Variants in PCNX1 observed in about 807,000 individuals in gnomAD.
PCNX1 encodes the protein pecanex 1, also known as pecanex-like protein 1.
In PCNX1, 78 loss-of-function variants were observed where a neutral mutation model predicts 242.2. The ratio of observed to expected loss-of-function variants is 0.32; its 90% confidence interval spans 0.27 to 0.39. The LOEUF (loss-of-function observed/expected upper bound fraction) is 0.39. Among genes scored for constraint, PCNX1 ranks in the 10% least tolerant of loss-of-function variants. The pLI, the probability that PCNX1 is intolerant of heterozygous loss-of-function variation, is 1.00. For missense variants in PCNX1, 2,581 were observed against 2,856.5 expected (o/e 0.90, Z 2.20); for synonymous variants, 1,024 against 1,032.9 (o/e 0.99, Z 0.17).
intron 1 of PCNX1, among the ~76,000 whole-genome samples, chr14:70,924,311 G>C: frequency 6.6e-6 from 1 of 151,538 alleles, no homozygotes; most frequent in East Asian, 1.9e-4. Flanking sequence ...AAAGAAATCT[G>C]GTTTTAGAAT....
intron 11 of PCNX1, 102 bp from the exon 12 acceptor site, chr14:71,018,907 G>A: frequency 1.1e-6 from 1 of 946,034 alleles, no homozygotes; most frequent in Non-Finnish European, 1.6e-6. Context: ...AGACATCTTG[G>A]CATACCATGA....
chr14:71,056,080 AT>A (rs1013391687), intron 25 of PCNX1, among the ~76,000 whole-genome samples: 2 of 152,178 alleles, frequency 1.3e-5, no homozygotes, highest in African/African-American at 4.8e-5. Flanking sequence ...TAGTTTTGTC[AT>A]TTGGGAAACA....
At chr14:70,942,291 A>G (rs571249627) in intron 1 of PCNX1, among the ~76,000 whole-genome samples, 4 of 152,242 alleles carry the variant, frequency 2.6e-5, no homozygotes, top group African/African-American at 7.2e-5. Flanking sequence ...TTACAGGTCT[A>G]ACATATTTTA....
intron 13 of PCNX1, among the ~76,000 whole-genome samples, chr14:71,025,550 T>G (rs889916342): frequency 2.0e-5 from 3 of 152,150 alleles, no homozygotes; most frequent in African/African-American, 7.2e-5. Flanking sequence ...AGTGTATGTA[T>G]GTATGTACAT....
At chr14:70,915,084 GTGT>G (rs1397071767) in intron 1 of PCNX1, among the ~76,000 whole-genome samples, 4 of 152,152 alleles carry the variant, frequency 2.6e-5, no homozygotes, top group Non-Finnish European at 4.4e-5. Flanking sequence ...TTAATCCATG[GTGT>G]TGTATCAGTA....
intron 26 of PCNX1, among the ~76,000 whole-genome samples, chr14:71,069,515 C>T (rs2061538423): frequency 6.6e-6 from 1 of 152,092 alleles, no homozygotes; most frequent in Non-Finnish European, 1.5e-5. Flanking sequence ...GTATTACTGG[C>T]ATACCTTGGA....
At chr14:70,923,849 A>T (rs1265772447) in intron 1 of PCNX1, among the ~76,000 whole-genome samples, 2 of 152,168 alleles carry the variant, frequency 1.3e-5, no homozygotes, top group Non-Finnish European at 2.9e-5. Context: ...TTGCACAGTC[A>T]TTTCACATGT....
chr14:71,105,537 G>T, intron 33 of PCNX1, 97 bp downstream of exon 33: 2 of 894,358 alleles, frequency 2.2e-6, no homozygotes, highest in Non-Finnish European at 3.4e-6. Flanking sequence ...GGTCCACTTG[G>T]AAATTCAGAA....
chr14:71,050,708 G>A lies in PCNX1; in HGVS notation c.4395G>A (p.Gln1465=). 6.2e-7 allele frequency: 1 copy of A among 1,612,510 alleles called. No homozygotes were observed. The highest frequency in any genetic ancestry group is 8.5e-7 in the Non-Finnish European group (1 of 1,178,906). Residue 1465 remains glutamine (Q), a synonymous_variant, in exon 23 of 36, where the codon CAG becomes CAA. Transcript: ENST00000304743. ...TGTATACCTATATTGCCCCATGGCA[G>A]ATCACATGGGGTTCTGCTTTCCATG... ...QFVYTYIAPW[Q]ITWGSAFHAF...
chr14:70,929,630 A>G (rs1310267454), intron 1 of PCNX1, among the ~76,000 whole-genome samples: 2 of 152,194 alleles, frequency 1.3e-5, no homozygotes, highest in Non-Finnish European at 2.9e-5. Flanking sequence ...TACTTATGTG[A>G]TGAGTGAAAA....
rs569933166 is a variant in PCNX1, at chr14:71,113,482, C to T, written c.*3547C>T. The T allele has an allele frequency of 2.6e-5, 4 of 152,540 alleles. No individual in the cohort carries two copies. Among genetic ancestry groups the T allele is most frequent in the Non-Finnish European group, 5.9e-5 (4 of 68,016 alleles). 9.4% of individuals were successfully genotyped at this position (152,540 alleles called of 1,614,324 possible). ...CACATACCAAAATATAAAAATCAGC[C>T]TCACATTTTTCAGCAAGTTTAGCTT... On this transcript the variant is annotated 3_prime_UTR_variant, in exon 36 of 36. Coordinates refer to ENST00000304743, the MANE Select transcript of PCNX1 (RefSeq NM_014982.3).
Position 70,952,873 on chromosome 14 carries a change from G to A in PCNX1, c.362+5750G>A, listed in dbSNP as rs370405507. Among the ~76,000 whole-genome samples, 38 of 152,206 alleles carry A rather than the reference G, an allele frequency of 2.5e-4. No homozygotes were observed. The South Asian group carries it at 7.1e-3, about 28-fold the overall frequency. ...GATTTTACCAGTTTATACTCTCACC[G>A]GTAGTGTATGAAAGTCCTTATTGTT... On this transcript the variant is annotated intron_variant, in intron 2 of 35. Transcript: ENST00000304743.
intron 2 of PCNX1, among the ~76,000 whole-genome samples, chr14:70,949,869 C>T (rs1350719559): frequency 1.3e-5 from 2 of 152,124 alleles, no homozygotes; most frequent in Admixed American, 6.5e-5. Context: ...CTTGACATAC[C>T]TCAAAACAAT....
chr14:70,996,221 G>C (rs2059346822), intron 8 of PCNX1, among the ~76,000 whole-genome samples: 1 of 151,916 alleles, frequency 6.6e-6, no homozygotes, highest in Admixed American at 6.6e-5. Flanking sequence ...TACCATGTAG[G>C]AGAAAACGTT....
At chr14:70,928,001 A>G (rs1211570957) in intron 1 of PCNX1, among the ~76,000 whole-genome samples, 3 of 152,110 alleles carry the variant, frequency 2.0e-5, no homozygotes, top group African/African-American at 7.2e-5. Context: ...ATATATTAAT[A>G]TTTCATTTTA....
chr14:70,988,786 A>G, intron 7 of PCNX1, 87 bp downstream of exon 7: 2 of 1,447,708 alleles, frequency 1.4e-6, no homozygotes, highest in South Asian at 2.6e-5. Flanking sequence ...GCATTTGAAG[A>G]GCTTTGTTTT....
chr14:70,960,600 C>T (rs2058173966), intron 2 of PCNX1, among the ~76,000 whole-genome samples: 1 of 151,964 alleles, frequency 6.6e-6, no homozygotes, highest in Admixed American at 6.6e-5. Flanking sequence ...CCTTTGAAAA[C>T]TGGCACAAGA....
rs59762272 is a variant in PCNX1, at chr14:71,071,554, C to G, written c.4853-1991C>G. ...TTGTTCAAAAGTGTATAGCGCCTCC[C>G]CCTTAACCCTATTCCTTCTGCTCCA... On this transcript the variant is annotated intron_variant, in intron 26 of 35. Transcript: ENST00000304743. Among the ~76,000 whole-genome samples, 1,104 of 152,146 alleles carry G rather than the reference C, an allele frequency of 7.3e-3. 10 individuals carry two copies. Among genetic ancestry groups the G allele is most frequent in the African/African-American group, 0.024 (984 of 41,478 alleles).
chr14:70,919,435 T>C (rs971572764), intron 1 of PCNX1, among the ~76,000 whole-genome samples: 2 of 152,078 alleles, frequency 1.3e-5, no homozygotes, highest in East Asian at 3.9e-4. Flanking sequence ...CCTTCTGTTA[T>C]CTGAGTTAAA....
Sources: allele counts gnomAD v4.1 joint callset (sites outside exome capture counted in the v4.1 genomes callset), GRCh38; gene constraint gnomAD v4.1.1; transcripts MANE v1.5; gene names NCBI Gene and HGNC (gene_info 2026-07-23, HGNC 2026-07-21).